The following AATK variants were observed in gnomAD, a reference collection of about 807,000 sequenced individuals.
AATK encodes the protein lemur tail kinase 1, also known as serine/threonine-protein kinase LMTK1.
A neutral mutation model predicts 114.3 loss-of-function variants in AATK; 91 were observed. The observed-to-expected ratio is 0.80, with a 90% CI of 0.67 to 0.95. AATK has a LOEUF of 0.95. Among genes scored for constraint, AATK ranks in the 40% least tolerant of loss-of-function variants. AATK has a pLI of 0.00. For synonymous variants in AATK, 1,075 were observed against 916.5 expected, an observed-to-expected ratio of 1.17 and a Z score of -3.12; for missense variants, 2,176 against 1,965.2, an observed-to-expected ratio of 1.11 and a Z score of -2.03.
chr17:81,165,346 C>G (rs1292335254), intron 1 of AATK, among the ~76,000 whole-genome samples: 1 of 152,206 alleles, frequency 6.6e-6, no homozygotes, highest in Non-Finnish European at 1.5e-5. Flanking sequence ...TCCCCTGCAG[C>G]CAGCTTGACA....
At chr17:81,153,310 A>G (rs2061320621) in intron 1 of AATK, among the ~76,000 whole-genome samples, 1 of 152,210 alleles carries the variant, frequency 6.6e-6, no homozygotes, top group Non-Finnish European at 1.5e-5. Context: ...ATGGATTTCA[A>G]TAGAGTCCCC....
Position 81,124,718 on chromosome 17 carries a change from C to A in AATK, c.962+9G>T. 1.2e-6 allele frequency: 2 copies of A among 1,612,270 alleles called. No homozygotes were observed. The highest frequency in any genetic ancestry group is 1.7e-6 in the Non-Finnish European group (2 of 1,179,468). On this transcript the variant is annotated intron_variant, in intron 9 of 13. Coordinates refer to ENST00000326724, the MANE Select transcript of AATK (RefSeq NM_001080395.3). ...CGGCCCCTCACGGTGCCACCAGGGC[C>A]GCACTCACCACACATTCCCGCTCTT...
chr17:81,121,343 C>T lies in AATK; in HGVS notation c.2593G>A (p.Glu865Lys), dbSNP rs974433906. The T allele has an allele frequency of 3.7e-6, 6 of 1,612,200 alleles. No homozygotes were observed. Among genetic ancestry groups the T allele is most frequent in the South Asian group, 2.2e-5 (2 of 90,988 alleles). Residue 865 changes from glutamate to lysine, a missense_variant, in exon 11 of 14, where the codon GAG becomes AAG. Around this residue, in one of 4 missense-constraint regions of AATK, gnomAD observed 1,701 missense variants for 1,394.7 expected, o/e 1.22. Transcript: ENST00000326724. The part of the protein sequence containing the change: ...APSSEDEDTA[E>K]ATSGIFTDTS... ...TCGGTGAAGATGCCTGAGGTGGCCT[C>T]GGCCGTGTCCTCATCCTCACTGCTG...
chr17:81,135,641 G>A (rs1373365345), intron 1 of AATK: 3 of 152,306 alleles, frequency 2.0e-5, no homozygotes, highest in Non-Finnish European at 2.9e-5. Flanking sequence ...AGGTGGCACA[G>A]CTGACCTCAC....
chr17:81,163,167 C>T (rs998836563), intron 1 of AATK, among the ~76,000 whole-genome samples: 4 of 152,164 alleles, frequency 2.6e-5, no homozygotes, highest in South Asian at 2.1e-4. Flanking sequence ...CTCCAGAAGC[C>T]GGAGCGAGGC....
At chr17:81,153,209 C>T (rs1241855903) in intron 1 of AATK, among the ~76,000 whole-genome samples, 2 of 152,188 alleles carry the variant, frequency 1.3e-5, no homozygotes, top group African/African-American at 4.8e-5. Context: ...AATTCCAGAG[C>T]TTTCCTGGCT....
intron 1 of AATK, among the ~76,000 whole-genome samples, chr17:81,154,158 C>T (rs189995046): frequency 6.6e-6 from 1 of 152,002 alleles, no homozygotes; most frequent in Non-Finnish European, 1.5e-5. Flanking sequence ...CCACAGCCTA[C>T]GAGAAAAAAA....
intron 1 of AATK, among the ~76,000 whole-genome samples, chr17:81,146,097 G>A (rs2061214953): frequency 6.6e-6 from 1 of 151,596 alleles, no homozygotes. Context: ...GCTGAGGCAG[G>A]AGAATGACTT....
At chr17:81,119,877 C>G in intron 12 of AATK, 59 bp downstream of exon 12, 4 of 1,401,486 alleles carry the variant, frequency 2.9e-6, no homozygotes, top group Non-Finnish European at 3.7e-6. Flanking sequence ...GCCTCCCACA[C>G]AGCACGGACC....
intron 1 of AATK, among the ~76,000 whole-genome samples, chr17:81,151,419 G>A (rs75956496): frequency 9.2e-5 from 14 of 151,604 alleles, no homozygotes; most frequent in African/African-American, 3.2e-4. Context: ...GGGCTGGGGG[G>A]ACCGTGGCCG....
Position 81,120,806 on chromosome 17 carries a change from A to C in AATK, c.3130T>G (p.Ser1044Ala). Reference sequence around the variant, plus strand: ...GGGCCAGAGCCTTGTGCCTCCCCGGAAACCCCAGGCCTGAGACAGACCTGC... The same window carrying C: ...GGGCCAGAGCCTTGTGCCTCCCCGGCAACCCCAGGCCTGAGACAGACCTGC... ...SEQVCLRPGV[S>A]GEAQGSGPGE... The change falls in exon 11 of 14, where the codon TCC becomes GCC. Residue 1044 changes from serine (S) to alanine (A), a missense_variant. Physicochemically the swap from Ser to Ala is moderately conservative, Grantham distance 99 (BLOSUM62 1). Around this residue, in one of 4 missense-constraint regions of AATK, gnomAD observed 1,701 missense variants for 1,394.7 expected, o/e 1.22. Coordinates refer to ENST00000326724, the MANE Select transcript of AATK (RefSeq NM_001080395.3). 1 of 1,571,760 alleles carries C rather than the reference A, an allele frequency of 6.4e-7. No homozygotes were observed. The highest frequency in any genetic ancestry group is 1.4e-5 in the African/African-American group (1 of 74,038).
intron 1 of AATK, 49 bp downstream of exon 1, chr17:81,165,877 GGGCATCACGTCC>G: frequency 1.3e-6 from 2 of 1,548,074 alleles, no homozygotes; most frequent in Non-Finnish European, 1.7e-6. Context: ...TGGGGCCCAG[GGGCATCACGTCC>G]GCAGCGGAGG....
chr17:81,119,302 G>A, intron 13 of AATK, 78 bp downstream of exon 13: 7 of 1,424,720 alleles, frequency 4.9e-6, no homozygotes, highest in African/African-American at 1.5e-5. Context: ...CCAGGACCTA[G>A]ACGGAGGGGC....
rs1028853226 is a variant in AATK, at chr17:81,126,141, G to A, written c.755+286C>T. 1.7e-4 allele frequency among the ~76,000 whole-genome samples: 26 copies of A among 152,200 alleles called. No homozygotes were observed. Among genetic ancestry groups the A allele is most frequent in the South Asian group, 6.2e-4 (3 of 4,832 alleles). On this transcript the variant is annotated intron_variant, in intron 7 of 13. Coordinates refer to ENST00000326724, the MANE Select transcript of AATK (RefSeq NM_001080395.3). The surrounding 1 kb of genome is among the most constrained non-coding windows in gnomAD (Gnocchi z 5.1). ...GAGGGCTTAGCAGAGTGTGGGGTTG[G>A]CGCGGGGCTGCAGGGTGCTGGCTGA...
chr17:81,123,412 G>A lies in AATK; in HGVS notation c.963-69C>T, dbSNP rs923223346. On this transcript the variant is annotated intron_variant, in intron 9 of 13. Coordinates refer to ENST00000326724, the MANE Select transcript of AATK (RefSeq NM_001080395.3). ...ACAGCAAGGACCGCGCAGGATCCCC[G>A]GGGCGCCGAATGGGGCAGCTCCCGC... 1.2e-5 allele frequency: 16 copies of A among 1,289,296 alleles called. No individual in the cohort carries two copies. The South Asian group carries it at 1.4e-4, about 11-fold the overall frequency. The allele number at this position is 1,289,296 out of a possible 1,614,324, so 79.9% of individuals were successfully genotyped here.
chr17:81,165,831 G>A, intron 1 of AATK, 107 bp downstream of exon 1: 2 of 1,513,824 alleles, frequency 1.3e-6, no homozygotes, highest in South Asian at 1.2e-5. Flanking sequence ...GGCTCGGGGC[G>A]GGGAAAGGGT....
At chr17:81,162,302 G>T (rs2061436693) in intron 1 of AATK, among the ~76,000 whole-genome samples, 3 of 152,064 alleles carry the variant, frequency 2.0e-5, no homozygotes, top group Middle Eastern at 3.2e-3. Context: ...AGGAAGTAGG[G>T]GGATGGGCCG....
intron 2 of AATK, among the ~76,000 whole-genome samples, 190 bp from the exon 3 acceptor site, chr17:81,131,395 G>A (rs977968747): frequency 6.6e-6 from 1 of 152,156 alleles, no homozygotes; most frequent in African/African-American, 2.4e-5. Flanking sequence ...CCTTCCATCT[G>A]TCTCCTCTTG....
intron 1 of AATK, among the ~76,000 whole-genome samples, chr17:81,137,903 TAC>T (rs949602790): frequency 1.4e-5 from 2 of 142,418 alleles, no homozygotes; most frequent in Admixed American, 7.3e-5. Context: ...CACGTGCACA[TAC>T]ACACGGGCAC....
Sources: gnomAD v4.1 joint callset for allele counts (sites outside exome capture counted in the v4.1 genomes callset) on GRCh38, gnomAD v4.1.1 for gene constraint, gnomAD v4.1.1 regional missense constraint, Gnocchi (gnomAD v3.1) non-coding constraint, MANE v1.5 for transcripts, NCBI Gene and HGNC (gene_info 2026-07-23, HGNC 2026-07-21) for gene names.